Variants in EFEMP1 observed in about 807,000 individuals in gnomAD.
The protein encoded by EFEMP1 is EGF-containing fibulin-like extracellular matrix protein 1.
EFEMP1 carries 18 observed loss-of-function variants against 65.7 expected under a neutral mutation model. The observed-to-expected ratio is 0.27, with a 90% confidence interval of 0.19 to 0.41. EFEMP1 has a LOEUF of 0.41. Among genes scored for constraint, EFEMP1 ranks in the 10% least tolerant of loss-of-function variants. EFEMP1 has a pLI of 1.00. For missense variants in EFEMP1, 469 were observed against 624.8 expected, an observed-to-expected ratio of 0.75 and a Z score of 2.66; for synonymous variants, 237 against 219.7, an observed-to-expected ratio of 1.08 and a Z score of -0.70.
At chr2:55,907,080 T>C (rs1670310186) in intron 5 of EFEMP1, among the ~76,000 whole-genome samples, 2 of 152,220 alleles carry the variant, frequency 1.3e-5, no homozygotes, top group Non-Finnish European at 2.9e-5. Context: ...CCTGTTCTCT[T>C]GTGATAGGTA....
Position 55,885,981 on chromosome 2 carries a change from C to T in EFEMP1, c.518-4247G>A, listed in dbSNP as rs1669406956. ...TTGATAACTTACCACAACATGGAGT[C>T]CCTTTAGCATGTTTTCATGGGCAAA... On this transcript the variant is annotated intron_variant, in intron 5 of 11. Coordinates refer to ENST00000355426, the MANE Select transcript of EFEMP1 (RefSeq NM_001039348.3). This position sits in a 1 kb window ranked among gnomAD's most constrained non-coding sequence, Gnocchi z 4.3. Among the ~76,000 whole-genome samples the T allele has an allele frequency of 6.6e-6, 1 of 152,262 alleles. No individual in the cohort carries two copies. The highest frequency in any genetic ancestry group is 2.1e-4 in the South Asian group (1 of 4,822).
In EFEMP1 at chr2:55,875,105, G is replaced by A. The variant is rs1283345093; in HGVS notation, c.881-40C>T. 2.6e-6 allele frequency: 4 copies of A among 1,521,286 alleles called. No individual in the cohort carries two copies. In the African/African-American group the frequency reaches 5.6e-5, roughly 21 times the overall value. The allele number at this position is 1,521,286 out of a possible 1,614,324, so 94.2% of individuals were successfully genotyped here. ...AAGAGAAAGGACACAGAGTTGAAAA[G>A]TTTGTGCACCACTACTTTGGATATA... On this transcript the variant is annotated intron_variant, in intron 8 of 11. Coordinates refer to ENST00000355426, the MANE Select transcript of EFEMP1 (RefSeq NM_001039348.3).
At chr2:55,889,939 A>C (rs1669573077) in intron 5 of EFEMP1, among the ~76,000 whole-genome samples, 1 of 152,120 alleles carries the variant, frequency 6.6e-6, no homozygotes, top group South Asian at 2.1e-4. Flanking sequence ...TGTGCAGGAC[A>C]AATGAAAAGC....
rs2104459889 is a variant in EFEMP1 at position 55,923,207 on chromosome 2, G to A, written c.-48-268C>T. ...TTTTGTCTTATCAGTCTGGGTCCCCGACACGCTACCTTCGGTTTCAGGCTG... is the reference window on the plus strand; with the variant it reads ...TTTTGTCTTATCAGTCTGGGTCCCCAACACGCTACCTTCGGTTTCAGGCTG... On this transcript the variant is annotated intron_variant, in intron 1 of 11. Transcript: ENST00000355426. The surrounding 1 kb of genome is among the most constrained non-coding windows in gnomAD (Gnocchi z 5.3). Among the ~76,000 whole-genome samples, 1 of 152,268 alleles carries A rather than the reference G, an allele frequency of 6.6e-6. No homozygotes were observed. Among genetic ancestry groups the A allele is most frequent in the East Asian group, 1.9e-4 (1 of 5,148 alleles).
In EFEMP1 at chr2:55,871,022, G is replaced by C; in HGVS notation, c.1102C>G (p.Pro368Ala). Residue 368 changes from proline to alanine, a missense_variant, in exon 10 of 12, where the codon CCC becomes GCC. This residue lies in a region of EFEMP1 where 399 missense variants were observed against 528.2 expected (regional missense o/e 0.76). Coordinates refer to ENST00000355426, the MANE Select transcript of EFEMP1 (RefSeq NM_001039348.3). This position sits in a 1 kb window ranked among gnomAD's most constrained non-coding sequence, Gnocchi z 4.2. ...TACTTCTCTGGTGTTAGAATGTAGG[G>C]ATCTTGACAAGGATTTCGTGGATAA... ...RCYPRNPCQD[P>A]YILTPENRCV... is the part of the protein sequence containing the mutation. 2 of 1,613,724 alleles carry C rather than the reference G, an allele frequency of 1.2e-6. No homozygotes were observed. Among genetic ancestry groups the C allele is most frequent in the Non-Finnish European group, 1.7e-6 (2 of 1,179,796 alleles).
intron 9 of EFEMP1, among the ~76,000 whole-genome samples, chr2:55,874,176 AT>A (rs919929775): frequency 5.3e-5 from 8 of 151,960 alleles, no homozygotes; most frequent in African/African-American, 1.4e-4. Flanking sequence ...AAGTTTGGTC[AT>A]TTTTTCATTC....
chr2:55,908,146 T>G (rs72811703), intron 5 of EFEMP1, among the ~76,000 whole-genome samples: 22 of 152,308 alleles, frequency 1.4e-4, no homozygotes, highest in African/African-American at 4.6e-4. Flanking sequence ...TTAAATCACC[T>G]GTACACAACT....
At chr2:55,920,148 T>G (rs889759598) in intron 3 of EFEMP1, among the ~76,000 whole-genome samples, 24 of 152,190 alleles carry the variant, frequency 1.6e-4, no homozygotes, top group African/African-American at 5.8e-4. Context: ...AGCTCTAGCT[T>G]TTGATTATGC....
chr2:55,915,058 T>G (rs552654145), intron 5 of EFEMP1, among the ~76,000 whole-genome samples: 1 of 152,354 alleles, frequency 6.6e-6, no homozygotes, highest in South Asian at 2.1e-4. Context: ...CCTAGACAGA[T>G]TATCCTGTTG....
intron 9 of EFEMP1, among the ~76,000 whole-genome samples, chr2:55,874,187 C>A (rs1668932695): frequency 6.6e-6 from 1 of 151,924 alleles, no homozygotes; most frequent in Admixed American, 6.6e-5. Context: ...TTTTTTCATT[C>A]TTTTGTTGCT....
intron 5 of EFEMP1, among the ~76,000 whole-genome samples, chr2:55,914,506 G>A (rs748576864): frequency 2.0e-5 from 3 of 152,110 alleles, no homozygotes; most frequent in Non-Finnish European, 4.4e-5. Flanking sequence ...AAAATATCTA[G>A]TGGTATTATT....
chr2:55,901,667 C>T (rs1446458027), intron 5 of EFEMP1, among the ~76,000 whole-genome samples: 2 of 152,110 alleles, frequency 1.3e-5, no homozygotes, highest in African/African-American at 4.8e-5. Context: ...TTGGAGTCAA[C>T]TCAGGGAGAA....
At chr2:55,888,334 C>CTTTTTTTTT (rs71713705) in intron 5 of EFEMP1, among the ~76,000 whole-genome samples, 1 of 114,306 alleles carries the variant, frequency 8.7e-6, no homozygotes, top group African/African-American at 3.6e-5. Flanking sequence ...CCTTCTTAAA[C>CTTTTTTTTT]TTTTTTTTTT....
Position 55,870,922 on chromosome 2 carries a change from A to G in EFEMP1, c.1125-7T>C. 6.2e-7 allele frequency: 1 copy of G among 1,613,766 alleles called. No individual in the cohort carries two copies. Among genetic ancestry groups the G allele is most frequent in the Non-Finnish European group, 8.5e-7 (1 of 1,179,790 alleles). ...GACTGGGCAAACACATCGGCTGCAG[A>G]GACAAACAAAAGTATTCAGCAGTTT... On this transcript the variant is annotated splice_polypyrimidine_tract_variant and splice_region_variant and intron_variant, in intron 10 of 11. Coordinates refer to ENST00000355426, the MANE Select transcript of EFEMP1 (RefSeq NM_001039348.3). This position sits in a 1 kb window ranked among gnomAD's most constrained non-coding sequence, Gnocchi z 5.8.
chr2:55,867,071 G>C lies in EFEMP1; in HGVS notation c.*2C>G. ...ATGCCTGTGGTTGACTCTTAGAAAA[G>C]ACTAAAATGAAAATGGCCCCACTAT... is the stretch of plus-strand genomic sequence containing the variant. On this transcript the variant is annotated 3_prime_UTR_variant, in exon 12 of 12. Transcript: ENST00000355426. The surrounding 1 kb of genome is among the most constrained non-coding windows in gnomAD (Gnocchi z 4.3). 6.2e-7 allele frequency: 1 copy of C among 1,612,260 alleles called. No homozygotes were observed. The highest frequency in any genetic ancestry group is 8.5e-7 in the Non-Finnish European group (1 of 1,179,784).
Position 55,883,307 on chromosome 2 carries a change from A to G in EFEMP1, c.518-1573T>C, listed in dbSNP as rs1669312754. On this transcript the variant is annotated intron_variant, in intron 5 of 11. Coordinates refer to ENST00000355426, the MANE Select transcript of EFEMP1 (RefSeq NM_001039348.3). This position sits in a 1 kb window ranked among gnomAD's most constrained non-coding sequence, Gnocchi z 4.5. Reference sequence around the variant, plus strand: ...GTATTATTTTCAAGTCAGTGATTACAAACTGTCCTTTTTAGGTACTATGCG... The same window carrying G: ...GTATTATTTTCAAGTCAGTGATTACGAACTGTCCTTTTTAGGTACTATGCG... Among the ~76,000 whole-genome samples, 1 of 152,170 alleles carries G rather than the reference A, an allele frequency of 6.6e-6. No individual in the cohort carries two copies. Among genetic ancestry groups the G allele is most frequent in the Non-Finnish European group, 1.5e-5 (1 of 68,032 alleles).
chr2:55,918,086 T>C (rs752661578), intron 4 of EFEMP1, 35 bp from the exon 5 acceptor site: 11 of 1,614,024 alleles, frequency 6.8e-6, no homozygotes, highest in Middle Eastern at 3.3e-4. Flanking sequence ...AGGAATCTTC[T>C]AAGAGGGAAA....
chr2:55,869,783 C>A (rs1668728778), intron 11 of EFEMP1, among the ~76,000 whole-genome samples: 2 of 152,054 alleles, frequency 1.3e-5, no homozygotes, highest in Admixed American at 1.3e-4. Flanking sequence ...GAAACAGTTA[C>A]CGTAACTCTG....
intron 5 of EFEMP1, among the ~76,000 whole-genome samples, chr2:55,887,846 T>TG (rs757489879): frequency 3.5e-4 from 53 of 152,226 alleles, no homozygotes; most frequent in Non-Finnish European, 6.5e-4. Context: ...CCCTTGGCAT[T>TG]GCATTGTGTT....
Sources: gnomAD v4.1 joint callset for allele counts (sites outside exome capture counted in the v4.1 genomes callset) on GRCh38, gnomAD v4.1.1 for gene constraint, gnomAD v4.1.1 regional missense constraint, Gnocchi (gnomAD v3.1) non-coding constraint, MANE v1.5 for transcripts, NCBI Gene and HGNC (gene_info 2026-07-23, HGNC 2026-07-21) for gene names.